RALGPS1: variants seen among roughly 807,000 people sequenced by gnomAD.
RALGPS1 encodes ras-specific guanine nucleotide-releasing factor RalGPS1.
In RALGPS1, 19 loss-of-function variants were observed where a neutral mutation model predicts 78.8. The ratio of observed to expected loss-of-function variants is 0.24; its 90% confidence interval spans 0.17 to 0.35. The LOEUF (loss-of-function observed/expected upper bound fraction) is 0.35. Ranked by LOEUF, RALGPS1 falls within the 10% of genes least tolerant of loss-of-function variation. The pLI, the probability that RALGPS1 is intolerant of heterozygous loss-of-function variation, is 1.00. For synonymous variants in RALGPS1, 228 were observed against 256.3 expected (o/e 0.89, Z 1.06); for missense variants, 454 against 688.3 (o/e 0.66, Z 3.81).
At chr9:127,213,525 C>T (rs768401372) in intron 17 of RALGPS1, among the ~76,000 whole-genome samples, 3 of 152,306 alleles carry the variant, frequency 2.0e-5, no homozygotes, top group Admixed American at 6.5e-5. Flanking sequence ...CAGTTCCTCC[C>T]GGTTCCCACT....
At chr9:127,040,289 T>C (rs2047182508) in intron 5 of RALGPS1, among the ~76,000 whole-genome samples, 2 of 152,012 alleles carry the variant, frequency 1.3e-5, no homozygotes, top group South Asian at 4.1e-4. Context: ...CAGTCCAAGC[T>C]ACTTGGGAGG....
At chr9:127,210,851 T>C (rs1160880080) in intron 14 of RALGPS1, 1 of 1,278,936 alleles carries the variant, frequency 7.8e-7, no homozygotes. Context: ...CCAAGCACTG[T>C]GCTAGAGGCT....
chr9:127,017,201 A>G (rs2044924023), intron 4 of RALGPS1, among the ~76,000 whole-genome samples: 1 of 152,256 alleles, frequency 6.6e-6, no homozygotes, highest in South Asian at 2.1e-4. Flanking sequence ...TGTGAACACC[A>G]TATTGTGTAC....
At position 127,211,774 on chromosome 9, in the gene RALGPS1, G is replaced by A. The variant is rs1476484775; in HGVS notation, c.1248-357G>A. Among the ~76,000 whole-genome samples, 1 of 152,186 alleles carries A rather than the reference G, an allele frequency of 6.6e-6. No individual in the cohort carries two copies. The highest frequency in any genetic ancestry group is 1.5e-5 in the Non-Finnish European group (1 of 68,032). ...GGGCTGCTGGAGCTGGGGCTTCACAGGCACCAGCTCCTCAGGTGTGGAGGA... is the reference window on the plus strand; with the variant it reads ...GGGCTGCTGGAGCTGGGGCTTCACAAGCACCAGCTCCTCAGGTGTGGAGGA... On this transcript the variant is annotated intron_variant, in intron 14 of 18. Transcript: ENST00000259351. This position sits in a 1 kb window ranked among gnomAD's most constrained non-coding sequence, Gnocchi z 5.0.
chr9:126,971,399 G>GA (rs1415439065), intron 3 of RALGPS1, among the ~76,000 whole-genome samples: 2 of 150,712 alleles, frequency 1.3e-5, no homozygotes, highest in Admixed American at 1.3e-4. Flanking sequence ...GGTTTTAAAG[G>GA]AAAAAAAATT....
chr9:127,111,939 C>G (rs2054856142), intron 8 of RALGPS1, among the ~76,000 whole-genome samples: 1 of 152,236 alleles, frequency 6.6e-6, no homozygotes, highest in South Asian at 2.1e-4. Flanking sequence ...TCACATTAAT[C>G]TGTGCTAAAA....
chr9:127,168,108 T>C (rs2059381096), intron 9 of RALGPS1, among the ~76,000 whole-genome samples: 1 of 152,248 alleles, frequency 6.6e-6, no homozygotes, highest in Non-Finnish European at 1.5e-5. Flanking sequence ...TAAAATTACC[T>C]GCTGCAGAGC....
chr9:127,050,019 A>ATG lies in RALGPS1; in HGVS notation c.301-16_301-15dup, dbSNP rs2048160979. On this transcript the variant is annotated intron_variant, in intron 5 of 18. Transcript: ENST00000259351. ...CAACTTTTCTGGTGTGTATGTGTGTATGTGTGTGTATTTGACTCTACAGGT... is the reference window on the plus strand; with the variant it reads ...CAACTTTTCTGGTGTGTATGTGTGTATGTGTGTGTGTATTTGACTCTACAGGT... 7 of 1,541,328 alleles carry ATG rather than the reference A, an allele frequency of 4.5e-6. No homozygotes were observed. In the South Asian group the frequency reaches 5.6e-5, roughly 12 times the overall value.
At chr9:127,115,795 G>A (rs972135729) in intron 8 of RALGPS1, among the ~76,000 whole-genome samples, 8 of 152,214 alleles carry the variant, frequency 5.3e-5, no homozygotes, top group Admixed American at 4.6e-4. Flanking sequence ...TCACGCAAGT[G>A]GTAAGACCCC....
At chr9:127,063,795 T>C (rs917480690) in intron 7 of RALGPS1, among the ~76,000 whole-genome samples, 3 of 152,278 alleles carry the variant, frequency 2.0e-5, no homozygotes, top group Admixed American at 6.5e-5. Flanking sequence ...ATTCTAATTA[T>C]GTACGGCTTG....
intron 8 of RALGPS1, among the ~76,000 whole-genome samples, chr9:127,073,925 A>G (rs2050447603): frequency 1.3e-5 from 2 of 152,184 alleles, no homozygotes; most frequent in Non-Finnish European, 2.9e-5. Context: ...CTTGTTGCCC[A>G]GGCTGGAGTG....
chr9:127,123,109 G>A (rs534547779), intron 8 of RALGPS1, among the ~76,000 whole-genome samples: 28 of 152,302 alleles, frequency 1.8e-4, no homozygotes, highest in African/African-American at 5.8e-4. Context: ...CCAGGCTGGC[G>A]GGCGGGGCAG....
rs2131062255 is a variant in RALGPS1 at position 127,218,274 on chromosome 9, A to C, written c.1645-466A>C. Among the ~76,000 whole-genome samples, 1 of 151,536 alleles carries C rather than the reference A, an allele frequency of 6.6e-6. No homozygotes were observed. ...TGGGGTTTCTGATATCCCTGAACTG[A>C]CTCTTTCTCCCATGCTTCCCTTTGC... On this transcript the variant is annotated intron_variant, in intron 18 of 18. Coordinates refer to ENST00000259351, the MANE Select transcript of RALGPS1 (RefSeq NM_014636.3). This position sits in a 1 kb window ranked among gnomAD's most constrained non-coding sequence, Gnocchi z 4.4.
At chr9:127,158,923 T>C (rs1365997562) in intron 8 of RALGPS1, among the ~76,000 whole-genome samples, 2 of 151,800 alleles carry the variant, frequency 1.3e-5, no homozygotes, top group African/African-American at 4.8e-5. Context: ...GAGAAGGGGG[T>C]GGAATTGCTC....
chr9:127,188,598 C>T (rs1001634872), intron 11 of RALGPS1, among the ~76,000 whole-genome samples: 5 of 151,998 alleles, frequency 3.3e-5, no homozygotes, highest in East Asian at 3.9e-4. Context: ...GAGGCAGTGT[C>T]GGGTGGTGGG....
chr9:127,195,790 C>T (rs1436083034), intron 12 of RALGPS1, among the ~76,000 whole-genome samples: 1 of 151,950 alleles, frequency 6.6e-6, no homozygotes, highest in Non-Finnish European at 1.5e-5. Flanking sequence ...TTCCTTTTCT[C>T]CCTTCTTCCT....
chr9:127,117,303 C>T (rs1169150329), intron 8 of RALGPS1, among the ~76,000 whole-genome samples: 2 of 152,214 alleles, frequency 1.3e-5, no homozygotes, highest in Non-Finnish European at 2.9e-5. Flanking sequence ...CTCCTGACTA[C>T]AGCTTCTTTA....
At chr9:127,170,114 C>T (rs7020366) in intron 10 of RALGPS1, among the ~76,000 whole-genome samples, 12,595 of 152,132 alleles carry the variant, frequency 0.083, 1,735 homozygotes, top group African/African-American at 0.28. Flanking sequence ...ATTAGCCAGA[C>T]TGCATGGTCT....
intron 1 of RALGPS1, among the ~76,000 whole-genome samples, chr9:126,940,584 C>G (rs1461849090): frequency 6.6e-6 from 1 of 151,924 alleles, no homozygotes; most frequent in Non-Finnish European, 1.5e-5. Context: ...GGACTACAAG[C>G]CGCCCGCCAC....
Sources: allele counts gnomAD v4.1 joint callset (sites outside exome capture counted in the v4.1 genomes callset), GRCh38; gene constraint gnomAD v4.1.1; non-coding constraint Gnocchi (gnomAD v3.1); transcripts MANE v1.5; gene names NCBI Gene and HGNC (gene_info 2026-07-23, HGNC 2026-07-21).